Variants in ABHD2 observed in about 807,000 individuals in gnomAD.
The protein encoded by ABHD2 is monoacylglycerol lipase ABHD2.
In ABHD2, 20 loss-of-function variants were observed where a neutral mutation model predicts 48.1. That is an observed-to-expected ratio of 0.42 (90% confidence interval 0.29 to 0.60). ABHD2 has a LOEUF of 0.60. Among genes scored for constraint, ABHD2 ranks in the 20% least tolerant of loss-of-function variants. ABHD2 has a pLI of 0.24. For synonymous variants in ABHD2, 209 were observed against 214.2 expected (o/e 0.98, Z 0.21); for missense variants, 405 against 550.9 (o/e 0.74, Z 2.65).
At chr15:89,078,725 C>CTTTTTTTT in the ABHD2 span, among the ~76,000 whole-genome samples, 7 of 143,672 alleles carry the variant, frequency 4.9e-5, no homozygotes, top group Non-Finnish European at 6.0e-5. Context: ...ACAATGTAGG[C>CTTTTTTTT]TTTTTTTTTT....
Position 89,189,013 on chromosome 15 carries a change from C to T in ABHD2, c.926+710C>T, listed in dbSNP as rs1369449505. ...TCTGAGTGTGAGACACAAATACTGC[C>T]CACTTCATTCATCTACTCTTTATCT... On this transcript the variant is annotated intron_variant, in intron 8 of 10. Coordinates refer to ENST00000352732, the MANE Select transcript of ABHD2 (RefSeq NM_152924.5). This position sits in a 1 kb window ranked among gnomAD's most constrained non-coding sequence, Gnocchi z 4.9. 2.0e-5 allele frequency among the ~76,000 whole-genome samples: 3 copies of T among 152,144 alleles called. No homozygotes were observed. The highest frequency in any genetic ancestry group is 4.8e-5 in the African/African-American group (2 of 41,418).
rs984535369 is a variant in ABHD2, at chr15:89,193,299, C to T, written c.1061C>T (p.Thr354Ile). 38 of 1,614,056 alleles carry T rather than the reference C, an allele frequency of 2.4e-5. No individual in the cohort carries two copies. The highest frequency in any genetic ancestry group is 3.2e-5 in the Non-Finnish European group (38 of 1,179,992). Residue 354 changes from threonine (T) to isoleucine (I), a missense_variant, in exon 10 of 11, where the codon ACC (threonine) becomes ATC (isoleucine). Thr to Ile is a moderately conservative substitution (Grantham distance 89). Transcript: ENST00000352732. ...DDPLVHESLL[T>I]IPKSLSEKRE... ...CCGTTGGTGCATGAAAGTCTTCTAA[C>T]CATTCCAAAATCTCTTTCAGGTAAG...
intron 5 of ABHD2, among the ~76,000 whole-genome samples, chr15:89,159,589 G>T (rs190270571): frequency 1.3e-5 from 2 of 152,222 alleles, no homozygotes; most frequent in African/African-American, 4.8e-5. Context: ...TTTGTAGACA[G>T]GGGAGTGCGC....
intron 1 of ABHD2, chr15:89,103,784 C>G (rs1227433095): frequency 6.6e-6 from 1 of 152,272 alleles, no homozygotes; most frequent in African/African-American, 2.4e-5. Flanking sequence ...CTCTTTAGCT[C>G]TCATAATCAG....
intron 1 of ABHD2, among the ~76,000 whole-genome samples, chr15:89,089,481 C>T (rs1425578613): frequency 1.3e-5 from 2 of 152,200 alleles, no homozygotes; most frequent in African/African-American, 4.8e-5. Flanking sequence ...CTGTGAAACT[C>T]CTTGTATTTG....
Position 89,137,604 on chromosome 15 carries a change from G to A in ABHD2, c.195-14073G>A, listed in dbSNP as rs2050336279. On this transcript the variant is annotated intron_variant, in intron 3 of 10. Transcript: ENST00000352732. The surrounding 1 kb of genome is among the most constrained non-coding windows in gnomAD (Gnocchi z 4.8). ...AGGCCACTTTTGGTCATTTCAGGCA[G>A]AAACAGTCTCTGCATTGGAATTTTC... Among the ~76,000 whole-genome samples the A allele has an allele frequency of 6.6e-6, 1 of 152,188 alleles. No homozygotes were observed. The highest frequency in any genetic ancestry group is 1.5e-5 in the Non-Finnish European group (1 of 68,036).
At chr15:89,083,193 A>AT (rs1208827511), upstream of ABHD2, among the ~76,000 whole-genome samples, 1 of 151,860 alleles carries the variant, frequency 6.6e-6, no homozygotes, top group East Asian at 1.9e-4. This position sits in a 1 kb window ranked among gnomAD's most constrained non-coding sequence, Gnocchi z 5.1. Flanking sequence ...AGTTGTTGTT[A>AT]TTTTTTTACA....
chr15:89,096,584 T>C (rs749704831), intron 1 of ABHD2, among the ~76,000 whole-genome samples: 1 of 152,210 alleles, frequency 6.6e-6, no homozygotes, highest in Non-Finnish European at 1.5e-5. Flanking sequence ...TTCATATGGC[T>C]CCTTTCCATG....
At chr15:89,127,727 A>ATATATATG (rs2050156964) in intron 3 of ABHD2, among the ~76,000 whole-genome samples, 1 of 142,664 alleles carries the variant, frequency 7.0e-6, no homozygotes, top group Admixed American at 6.9e-5. Context: ...ATACACATAT[A>ATATATATG]TATATATATA....
intron 1 of ABHD2, among the ~76,000 whole-genome samples, chr15:89,093,237 G>A (rs1286092627): frequency 7.4e-6 from 1 of 134,434 alleles, no homozygotes; most frequent in African/African-American, 2.8e-5. Context: ...CTGGAGTGCA[G>A]TGGCGCAATC....
At chr15:89,149,651 C>T (rs2050559193) in intron 3 of ABHD2, among the ~76,000 whole-genome samples, 1 of 152,156 alleles carries the variant, frequency 6.6e-6, no homozygotes, top group Non-Finnish European at 1.5e-5. Context: ...AGTAGGTGGC[C>T]CAAAGAAACG....
In ABHD2 at chr15:89,174,674, G is replaced by A. The variant is rs16942789; in HGVS notation, c.539-1138G>A. ...CAACTCCCGTTTCCATTGTAAATCC[G>A]TACTCTTCTCATGCCAGTCTATTTT... On this transcript the variant is annotated intron_variant, in intron 5 of 10. Coordinates refer to ENST00000352732, the MANE Select transcript of ABHD2 (RefSeq NM_152924.5). The surrounding 1 kb of genome is among the most constrained non-coding windows in gnomAD (Gnocchi z 4.1). Among the ~76,000 whole-genome samples, 16,962 of 152,200 alleles carry A rather than the reference G, an allele frequency of 0.11. 1,091 individuals carry two copies. The highest frequency in any genetic ancestry group is 0.18 in the South Asian group (863 of 4,822).
the ABHD2 span, among the ~76,000 whole-genome samples, chr15:89,043,925 T>A: frequency 8.5e-5 from 13 of 152,180 alleles, no homozygotes; most frequent in African/African-American, 3.1e-4. Flanking sequence ...TATTATACTT[T>A]AAGTTTTAGG....
the ABHD2 span, among the ~76,000 whole-genome samples, chr15:89,053,995 G>T: frequency 6.6e-6 from 1 of 152,114 alleles, no homozygotes; most frequent in Non-Finnish European, 1.5e-5. Context: ...ACACATTGCT[G>T]CAGAGGCAGT....
intron 5 of ABHD2, among the ~76,000 whole-genome samples, chr15:89,158,884 G>A (rs191399896): frequency 3.2e-4 from 48 of 151,582 alleles, no homozygotes; most frequent in Non-Finnish European, 6.2e-4. Context: ...GGCTGGTCTC[G>A]AACTCCTGAG....
In ABHD2 at chr15:89,151,585, C is replaced by A; in HGVS notation, c.195-92C>A. 1.4e-6 allele frequency: 2 copies of A among 1,428,004 alleles called. No individual in the cohort carries two copies. The highest frequency in any genetic ancestry group is 1.9e-6 in the Non-Finnish European group (2 of 1,049,750). The allele number at this position is 1,428,004 out of a possible 1,614,324, so 88.5% of individuals were successfully genotyped here. ...CTTTGTGTGCAGAATTTCCCTGGAA[C>A]AAAAATAGGTTGAAAGAGTTTTGCT... On this transcript the variant is annotated intron_variant, in intron 3 of 10. Coordinates refer to ENST00000352732, the MANE Select transcript of ABHD2 (RefSeq NM_152924.5). This position sits in a 1 kb window ranked among gnomAD's most constrained non-coding sequence, Gnocchi z 4.7.
chr15:89,140,766 G>A (rs867403123), intron 3 of ABHD2, among the ~76,000 whole-genome samples: 3 of 152,074 alleles, frequency 2.0e-5, no homozygotes, highest in Admixed American at 6.5e-5. Flanking sequence ...GTATCTTCAC[G>A]TTTAAAGATG....
rs2050800488 is a variant in ABHD2, at chr15:89,164,027, G to C, written c.538+8493G>C. On this transcript the variant is annotated intron_variant, in intron 5 of 10. Coordinates refer to ENST00000352732, the MANE Select transcript of ABHD2 (RefSeq NM_152924.5). The surrounding 1 kb of genome is among the most constrained non-coding windows in gnomAD (Gnocchi z 5.0). ...TAGTTCCCAGTCAGATACATTTTAG[G>C]CTTAAGGCAAAAGAGCATCCAAGAG... Among the ~76,000 whole-genome samples the C allele has an allele frequency of 6.6e-6, 1 of 152,170 alleles. No individual in the cohort carries two copies. The highest frequency in any genetic ancestry group is 2.1e-4 in the South Asian group (1 of 4,830).
At chr15:89,162,489 C>T (rs1336430715) in intron 5 of ABHD2, among the ~76,000 whole-genome samples, 1 of 152,094 alleles carries the variant, frequency 6.6e-6, no homozygotes, top group Non-Finnish European at 1.5e-5. Flanking sequence ...CTGCAGTCCA[C>T]CATCAGGCCC....
Sources: allele counts gnomAD v4.1 joint callset (sites outside exome capture counted in the v4.1 genomes callset), GRCh38; gene constraint gnomAD v4.1.1; non-coding constraint Gnocchi (gnomAD v3.1); transcripts MANE v1.5; gene names NCBI Gene and HGNC (gene_info 2026-07-23, HGNC 2026-07-21).